The following DPYD variants were observed in gnomAD, a reference collection of about 807,000 sequenced individuals.
The protein encoded by DPYD is dihydropyrimidine dehydrogenase [NADP(+)].
Under a neutral mutation model 116.2 loss-of-function variants are expected in DPYD, and 109 were observed. That is an observed-to-expected ratio of 0.94 (90% CI 0.80 to 1.10). DPYD has a LOEUF of 1.10. DPYD is among the 50% of genes least tolerant of loss of function. The pLI is 0.00. For synonymous variants in DPYD, 440 were observed against 432.0 expected (o/e 1.02, Z -0.23); for missense variants, 1,302 against 1,254.5 (o/e 1.04, Z -0.57).
At chr1:97,773,890 A>C (rs1666267676) in intron 3 of DPYD, among the ~76,000 whole-genome samples, 2 of 152,188 alleles carry the variant, frequency 1.3e-5, no homozygotes, top group African/African-American at 2.4e-5. Context: ...TTTTCAGTAC[A>C]CTAAGGCAAG....
chr1:97,598,239 A>G (rs1357760321), intron 8 of DPYD, among the ~76,000 whole-genome samples: 1 of 152,190 alleles, frequency 6.6e-6, no homozygotes, highest in East Asian at 1.9e-4. Flanking sequence ...GAAATATGAA[A>G]GAAAATGAAA....
intron 16 of DPYD, among the ~76,000 whole-genome samples, chr1:97,330,428 A>G (rs1165664530): frequency 6.6e-6 from 1 of 152,218 alleles, no homozygotes; most frequent in Non-Finnish European, 1.5e-5. Context: ...TTATATAACC[A>G]GTCTGTAATA....
chr1:97,630,707 C>A (rs1484794931), intron 8 of DPYD, among the ~76,000 whole-genome samples: 1 of 152,086 alleles, frequency 6.6e-6, no homozygotes, highest in Non-Finnish European at 1.5e-5. Context: ...TAACAAGTTT[C>A]TTTATCTCCA....
chr1:97,522,445 G>A (rs560481381), intron 12 of DPYD, among the ~76,000 whole-genome samples: 20 of 151,972 alleles, frequency 1.3e-4, no homozygotes, highest in African/African-American at 1.7e-4. Flanking sequence ...CATGTATGTC[G>A]GGCGTGGTGG....
intron 1 of DPYD, among the ~76,000 whole-genome samples, chr1:97,910,089 T>C (rs1673856506): frequency 1.3e-5 from 2 of 152,102 alleles, no homozygotes; most frequent in South Asian, 2.1e-4. Context: ...CTGACTACCA[T>C]GTGAAAAAAG....
At chr1:97,128,633 T>A (rs1653033968) in intron 20 of DPYD, among the ~76,000 whole-genome samples, 1 of 152,136 alleles carries the variant, frequency 6.6e-6, no homozygotes, top group African/African-American at 2.4e-5. Context: ...AAAATGCTCT[T>A]ACGGGACTCG....
At chr1:97,376,715 T>C (rs1416003112) in intron 15 of DPYD, among the ~76,000 whole-genome samples, 1 of 152,162 alleles carries the variant, frequency 6.6e-6, no homozygotes, top group Non-Finnish European at 1.5e-5. Flanking sequence ...AGCTTTTTAG[T>C]TTAGTCACTT....
At chr1:97,802,121 A>AC (rs1667876395) in intron 3 of DPYD, among the ~76,000 whole-genome samples, 1 of 151,910 alleles carries the variant, frequency 6.6e-6, no homozygotes, top group Admixed American at 6.6e-5. Flanking sequence ...GGAGGTAAAG[A>AC]CGTAGAGTCA....
chr1:97,362,059 A>T (rs957433704), intron 16 of DPYD, among the ~76,000 whole-genome samples: 1 of 152,310 alleles, frequency 6.6e-6, no homozygotes, highest in African/African-American at 2.4e-5. Context: ...AAAACCCCAT[A>T]GTCTCAGCCC....
At chr1:97,919,461 T>A (rs1195611174) in intron 1 of DPYD, among the ~76,000 whole-genome samples, 2 of 152,196 alleles carry the variant, frequency 1.3e-5, no homozygotes, top group Non-Finnish European at 2.9e-5. Flanking sequence ...AGAAATCAGT[T>A]AAGCAGATAA....
At chr1:97,856,441 G>A (rs1670851292) in intron 2 of DPYD, 2 of 152,122 alleles carry the variant, frequency 1.3e-5, no homozygotes, top group Non-Finnish European at 2.9e-5. Flanking sequence ...TATTATCAAA[G>A]CCAGATTATT....
At chr1:97,281,284 A>G (rs1665305623) in intron 18 of DPYD, among the ~76,000 whole-genome samples, 1 of 151,970 alleles carries the variant, frequency 6.6e-6, no homozygotes, top group Admixed American at 6.6e-5. Flanking sequence ...AATTTTCCAC[A>G]TAGAAAAGAG....
intron 11 of DPYD, among the ~76,000 whole-genome samples, chr1:97,569,806 A>T (rs1430411849): frequency 6.6e-6 from 1 of 152,062 alleles, no homozygotes; most frequent in Non-Finnish European, 1.5e-5. Context: ...AATTATGCTG[A>T]TCGGCACATA....
chr1:97,379,940 A>G (rs1325540063), intron 15 of DPYD, among the ~76,000 whole-genome samples: 1 of 152,162 alleles, frequency 6.6e-6, no homozygotes, highest in African/African-American at 2.4e-5. Context: ...TTCCTTGTGA[A>G]GTTGTGGCCA....
intron 14 of DPYD, among the ~76,000 whole-genome samples, chr1:97,387,204 C>T (rs569161267): frequency 6.6e-6 from 1 of 152,056 alleles, no homozygotes; most frequent in African/African-American, 2.4e-5. Flanking sequence ...TTTGTCTTCC[C>T]CCATCCTACA....
intron 3 of DPYD, among the ~76,000 whole-genome samples, chr1:97,749,715 A>C (rs1664766602): frequency 6.6e-6 from 1 of 152,106 alleles, no homozygotes; most frequent in Non-Finnish European, 1.5e-5. Context: ...TACCATTTTT[A>C]ATTTAACAAT....
At chr1:97,247,660 T>C (rs1010297432) in intron 18 of DPYD, among the ~76,000 whole-genome samples, 1 of 152,118 alleles carries the variant, frequency 6.6e-6, no homozygotes, top group African/African-American at 2.4e-5. Flanking sequence ...ACATAGTAAA[T>C]GCTTTAAAAA....
intron 14 of DPYD, among the ~76,000 whole-genome samples, chr1:97,432,986 G>A (rs1675266645): frequency 6.6e-6 from 1 of 152,018 alleles, no homozygotes; most frequent in Non-Finnish European, 1.5e-5. Flanking sequence ...TGCTTTACAG[G>A]CCAGCTCCTA....
chr1:97,748,149 G>A (rs1167992057), intron 3 of DPYD, among the ~76,000 whole-genome samples: 3 of 152,066 alleles, frequency 2.0e-5, no homozygotes, highest in Non-Finnish European at 4.4e-5. Flanking sequence ...CTCCATACGG[G>A]ATTTCAGAAG....
Sources: gnomAD v4.1 joint callset for allele counts (sites outside exome capture counted in the v4.1 genomes callset) on GRCh38, gnomAD v4.1.1 for gene constraint, MANE v1.5 for transcripts, NCBI Gene and HGNC (gene_info 2026-07-23, HGNC 2026-07-21) for gene names.